The following ITGA8 variants were observed in gnomAD, a reference collection of about 807,000 sequenced individuals.
ITGA8 encodes the protein integrin alpha-8.
Under a neutral mutation model 142.3 loss-of-function variants are expected in ITGA8, and 91 were observed. The observed-to-expected ratio is 0.64, with a 90% CI of 0.54 to 0.76. The LOEUF (loss-of-function observed/expected upper bound fraction) is 0.76. ITGA8 is among the 30% of genes least tolerant of loss of function. ITGA8 has a pLI of 0.00. For missense variants in ITGA8, 1,406 were observed against 1,327.7 expected (o/e 1.06, Z -0.92); for synonymous variants, 505 against 485.2 (o/e 1.04, Z -0.54).
intron 27 of ITGA8, among the ~76,000 whole-genome samples, chr10:15,543,896 G>T (rs145415983): frequency 1.3e-5 from 2 of 152,268 alleles, no homozygotes; most frequent in East Asian, 3.9e-4. Flanking sequence ...AGAAACAGAA[G>T]ACACAGGGAC....
chr10:15,647,180 T>A, intron 11 of ITGA8, 129 bp from the exon 12 acceptor site: 1 of 679,086 alleles, frequency 1.5e-6, no homozygotes, highest in Non-Finnish European at 2.5e-6. Context: ...TTTACAATCA[T>A]CAGATTGCTT....
rs556451630 is a variant in ITGA8 at position 15,621,960 on chromosome 10, C to A, written c.1400-5401G>T. On this transcript the variant is annotated intron_variant, in intron 13 of 29. Transcript: ENST00000378076. ...ATCCCCTGAGGTCAGGAGTTCGAGA[C>A]CAGCCTGGCCAATGTGGTGAAAACC... Among the ~76,000 whole-genome samples, 7 of 152,194 alleles carry A rather than the reference C, an allele frequency of 4.6e-5. No homozygotes were observed. The East Asian group carries it at 7.7e-4, about 17-fold the overall frequency.
Position 15,698,285 on chromosome 10 carries a change from C to A in ITGA8, c.344-10247G>T, listed in dbSNP as rs560835190. Among the ~76,000 whole-genome samples the A allele has an allele frequency of 7.2e-5, 11 of 152,230 alleles. No individual in the cohort carries two copies. In the East Asian group the frequency reaches 2.1e-3, roughly 29 times the overall value. On this transcript the variant is annotated intron_variant, in intron 2 of 29. Coordinates refer to ENST00000378076, the MANE Select transcript of ITGA8 (RefSeq NM_003638.3). ...TAGTATTCCGTGGTGTATAAATATA[C>A]CATACTTTCTTGATCCACTCGTTGA...
chr10:15,616,737 A>G (rs930122336), intron 13 of ITGA8, among the ~76,000 whole-genome samples, 178 bp from the exon 14 acceptor site: 1 of 79,696 alleles, frequency 1.3e-5, no homozygotes, highest in African/African-American at 3.2e-5. Context: ...GAGCTTCACT[A>G]TAACCAACTT....
chr10:15,668,063 C>A (rs1347044878), intron 8 of ITGA8, among the ~76,000 whole-genome samples: 1 of 152,170 alleles, frequency 6.6e-6, no homozygotes, highest in African/African-American at 2.4e-5. Context: ...AGTTCAATTC[C>A]TGGGTATCCT....
intron 25 of ITGA8, among the ~76,000 whole-genome samples, chr10:15,565,736 C>T (rs772707801): frequency 2.6e-5 from 4 of 151,426 alleles, no homozygotes; most frequent in Non-Finnish European, 2.9e-5. Context: ...ATTGCAGGCA[C>T]CCACCACCAC....
intron 25 of ITGA8, among the ~76,000 whole-genome samples, chr10:15,566,419 A>C (rs760363659): frequency 2.0e-5 from 3 of 152,190 alleles, no homozygotes; most frequent in African/African-American, 7.2e-5. Context: ...ATATGTGGGC[A>C]TCTTATCGGT....
At chr10:15,564,947 C>A (rs972846113) in intron 25 of ITGA8, among the ~76,000 whole-genome samples, 1 of 151,772 alleles carries the variant, frequency 6.6e-6, no homozygotes, top group South Asian at 2.1e-4. Context: ...GGAAAGAAAA[C>A]CCCCACTTTT....
intron 2 of ITGA8, among the ~76,000 whole-genome samples, chr10:15,694,675 C>CTATATATATATA (rs1835015382): frequency 7.9e-5 from 1 of 12,686 alleles, no homozygotes. Flanking sequence ...CTATATTTGT[C>CTATATATATATA]GACATATATA....
At chr10:15,526,979 G>A (rs1437444758) in intron 28 of ITGA8, among the ~76,000 whole-genome samples, 2 of 152,264 alleles carry the variant, frequency 1.3e-5, no homozygotes, top group Middle Eastern at 3.4e-3. Flanking sequence ...TACCAAGGTA[G>A]AAGGAAAAAG....
intron 25 of ITGA8, among the ~76,000 whole-genome samples, chr10:15,559,149 A>T (rs1478844573): frequency 6.6e-6 from 1 of 152,220 alleles, no homozygotes; most frequent in Non-Finnish European, 1.5e-5. Context: ...GGAAAAACCT[A>T]CTAGACAAAC....
At chr10:15,525,043 C>G (rs1406680027) in intron 28 of ITGA8, among the ~76,000 whole-genome samples, 1 of 152,108 alleles carries the variant, frequency 6.6e-6, no homozygotes, top group East Asian at 1.9e-4. Flanking sequence ...GGGTCTTGCT[C>G]TGTTGCCTCA....
chr10:15,520,896 T>G (rs1254567775), intron 28 of ITGA8, among the ~76,000 whole-genome samples: 2 of 152,220 alleles, frequency 1.3e-5, no homozygotes, highest in African/African-American at 4.8e-5. Flanking sequence ...CTGAGACTAA[T>G]GACTAAGGTT....
At chr10:15,648,657 G>A (rs1160646873) in intron 11 of ITGA8, among the ~76,000 whole-genome samples, 1 of 151,966 alleles carries the variant, frequency 6.6e-6, no homozygotes, top group Non-Finnish European at 1.5e-5. Flanking sequence ...CAGGGATGAG[G>A]TGGGAACAGT....
At chr10:15,614,249 T>G (rs2131617049) in intron 14 of ITGA8, among the ~76,000 whole-genome samples, 1 of 152,282 alleles carries the variant, frequency 6.6e-6, no homozygotes, top group East Asian at 1.9e-4. Context: ...ATTTTTAAAT[T>G]TCTGTTGATA....
intron 15 of ITGA8, chr10:15,611,659 T>C (rs530009513): frequency 6.6e-6 from 1 of 151,782 alleles, no homozygotes; most frequent in East Asian, 2.0e-4. Flanking sequence ...GCCCAGCTAA[T>C]TTTTTGTATT....
At chr10:15,643,969 C>G (rs532321198) in intron 13 of ITGA8, 61 bp downstream of exon 13, 71 of 1,479,472 alleles carry the variant, frequency 4.8e-5, no homozygotes, top group Admixed American at 8.3e-5. Flanking sequence ...ATGCATTTTT[C>G]AGAAAATGGA....
intron 26 of ITGA8, among the ~76,000 whole-genome samples, chr10:15,551,620 T>C (rs1445444875): frequency 2.0e-5 from 3 of 152,178 alleles, no homozygotes; most frequent in Admixed American, 6.5e-5. Flanking sequence ...TTCAGTGTTT[T>C]AGATACAAAT....
chr10:15,670,532 T>G (rs1834492025), intron 8 of ITGA8, among the ~76,000 whole-genome samples: 2 of 152,184 alleles, frequency 1.3e-5, no homozygotes, highest in African/African-American at 4.8e-5. Flanking sequence ...GGTCTAGTCT[T>G]TGTAAAAGAG....
Sources: allele counts gnomAD v4.1 joint callset (sites outside exome capture counted in the v4.1 genomes callset), GRCh38; gene constraint gnomAD v4.1.1; transcripts MANE v1.5; gene names NCBI Gene and HGNC (gene_info 2026-07-23, HGNC 2026-07-21).